Variants in BNC2 observed in about 807,000 individuals in gnomAD.
BNC2 encodes basonuclin zinc finger protein 2.
Under a neutral mutation model 76.3 loss-of-function variants are expected in BNC2, and 20 were observed. The ratio of observed to expected loss-of-function variants is 0.26; its 90% CI spans 0.18 to 0.38. BNC2 has a LOEUF of 0.38. Among genes scored for constraint, BNC2 ranks in the 10% least tolerant of loss-of-function variants. BNC2 has a pLI of 1.00. For missense variants in BNC2, 1,382 were observed against 1,399.8 expected (o/e 0.99, Z 0.20); for synonymous variants, 582 against 514.8 (o/e 1.13, Z -1.77).
intron 1 of BNC2, among the ~76,000 whole-genome samples, chr9:16,756,990 CAAA>C (rs66931262): frequency 0.078 from 10,349 of 133,286 alleles, 507 homozygotes; most frequent in Non-Finnish European, 0.12. Context: ...GACTCTGTCT[CAAA>C]AAAAAAAAAA....
At chr9:16,693,000 G>A (rs909494638) in intron 3 of BNC2, among the ~76,000 whole-genome samples, 1 of 106,182 alleles carries the variant, frequency 9.4e-6, no homozygotes, top group African/African-American at 2.6e-5. Context: ...CATGGTGGCG[G>A]GCACCTGTAA....
At chr9:16,668,550 G>C (rs1036010611) in intron 3 of BNC2, among the ~76,000 whole-genome samples, 1 of 152,200 alleles carries the variant, frequency 6.6e-6, no homozygotes, top group Non-Finnish European at 1.5e-5. Context: ...ACCCCTCTAA[G>C]CTATGATTAG....
chr9:16,424,879 A>G (rs1306145296), intron 6 of BNC2, among the ~76,000 whole-genome samples: 2 of 152,236 alleles, frequency 1.3e-5, no homozygotes, highest in East Asian at 3.8e-4. Context: ...TTTTTGTATT[A>G]TCATTTATTA....
intron 3 of BNC2, among the ~76,000 whole-genome samples, chr9:16,707,538 T>C (rs1010231189): frequency 6.6e-6 from 1 of 152,200 alleles, no homozygotes; most frequent in African/African-American, 2.4e-5. Flanking sequence ...ACCCTCTCCA[T>C]GGTAATATAT....
intron 1 of BNC2, among the ~76,000 whole-genome samples, chr9:16,853,406 CA>C (rs34704088): frequency 0.24 from 21,108 of 86,866 alleles, 1,946 homozygotes; most frequent in East Asian, 0.58. Context: ...GACCTTGTCT[CA>C]AAAAAAAAAA....
intron 1 of BNC2, among the ~76,000 whole-genome samples, chr9:16,743,506 G>T (rs899153025): frequency 3.3e-5 from 5 of 152,252 alleles, no homozygotes; most frequent in African/African-American, 2.4e-5. Flanking sequence ...GTGGACCTTT[G>T]TGTAGTATTG....
At chr9:16,531,048 C>T (rs555904851) in intron 5 of BNC2, among the ~76,000 whole-genome samples, 10 of 152,286 alleles carry the variant, frequency 6.6e-5, no homozygotes, top group African/African-American at 2.2e-4. Context: ...TAAAGATAAA[C>T]AAGGATGCCT....
chr9:16,484,436 T>C (rs79222626), intron 5 of BNC2, among the ~76,000 whole-genome samples: 1 of 152,202 alleles, frequency 6.6e-6, no homozygotes, highest in African/African-American at 2.4e-5. Flanking sequence ...GCAGGGCTCA[T>C]ATGCTGACTT....
In BNC2 at chr9:16,870,637, ACTT is replaced by A. The variant is rs754123185; in HGVS notation, c.3+6_3+8del. On this transcript the variant is annotated splice_donor_region_variant and intron_variant, in intron 1 of 6. Transcript: ENST00000380672. ...GAATAAAAGAGGAAGGAGGGTGGAA[ACTT>A]CTTACCATCTCGGCATGCTGGTTGT... 7.5e-6 allele frequency: 12 copies of A among 1,610,534 alleles called. No homozygotes were observed. The highest frequency in any genetic ancestry group is 9.3e-6 in the Non-Finnish European group (11 of 1,178,422).
chr9:16,625,808 G>C (rs1224755153), intron 3 of BNC2: 4 of 152,224 alleles, frequency 2.6e-5, no homozygotes, highest in African/African-American at 9.7e-5. Context: ...CAACAATAAA[G>C]ATGGGTCTGG....
chr9:16,712,731 G>C (rs1823885828), intron 3 of BNC2, among the ~76,000 whole-genome samples: 1 of 152,176 alleles, frequency 6.6e-6, no homozygotes. Context: ...ATTTTATCAG[G>C]TGTTTAAAAG....
intron 5 of BNC2, among the ~76,000 whole-genome samples, chr9:16,539,768 A>AAAGGAAAGGAAAGGAAAG (rs1563831014): frequency 4.9e-4 from 29 of 58,966 alleles, no homozygotes; most frequent in South Asian, 9.5e-4. Context: ...GGAAAGGAAA[A>AAAGGAAAGGAAAGGAAAG]GAAAGGAAAG....
At chr9:16,620,833 C>A (rs1820846033) in intron 3 of BNC2, among the ~76,000 whole-genome samples, 1 of 152,152 alleles carries the variant, frequency 6.6e-6, no homozygotes, top group Admixed American at 6.6e-5. Context: ...AGTAAGAACA[C>A]TGATCTAAAT....
At chr9:16,859,075 C>G (rs1198359493) in intron 1 of BNC2, among the ~76,000 whole-genome samples, 2 of 151,484 alleles carry the variant, frequency 1.3e-5, no homozygotes, top group Non-Finnish European at 2.9e-5. Flanking sequence ...AGGACATATA[C>G]AAATGCCCAA....
chr9:16,483,957 C>T (rs775360766), intron 5 of BNC2, among the ~76,000 whole-genome samples: 8 of 152,220 alleles, frequency 5.3e-5, no homozygotes, highest in Non-Finnish European at 1.0e-4. Flanking sequence ...TTAATAAATC[C>T]TGGCTGATAA....
intron 5 of BNC2, among the ~76,000 whole-genome samples, chr9:16,551,303 T>C (rs1818655682): frequency 6.6e-6 from 1 of 152,228 alleles, no homozygotes; most frequent in African/African-American, 2.4e-5. Context: ...CTACTTCTAC[T>C]TTCTATCCTT....
chr9:16,783,816 A>G (rs1343245129), intron 1 of BNC2, among the ~76,000 whole-genome samples: 1 of 152,210 alleles, frequency 6.6e-6, no homozygotes, highest in African/African-American at 2.4e-5. Flanking sequence ...AACTAGATCA[A>G]TCATCCCTAA....
intron 3 of BNC2, among the ~76,000 whole-genome samples, chr9:16,718,054 CG>C (rs1824040263): frequency 3.3e-5 from 5 of 152,122 alleles, no homozygotes; most frequent in Admixed American, 3.3e-4. Flanking sequence ...GAATGTGGCC[CG>C]GGATGCAGGA....
intron 1 of BNC2, among the ~76,000 whole-genome samples, chr9:16,844,470 A>G (rs1818913781): frequency 7.0e-6 from 1 of 142,810 alleles, no homozygotes; most frequent in Non-Finnish European, 1.5e-5. Flanking sequence ...CAAGAGTAGT[A>G]TTTTTACGAA....
Sources: allele counts gnomAD v4.1 joint callset (sites outside exome capture counted in the v4.1 genomes callset), GRCh38; gene constraint gnomAD v4.1.1; transcripts MANE v1.5; gene names NCBI Gene and HGNC (gene_info 2026-07-23, HGNC 2026-07-21).